Variants in SAMD11 observed in about 807,000 individuals in gnomAD.
SAMD11 encodes the protein sterile alpha motif domain containing 11, also known as sterile alpha motif domain-containing protein 11.
SAMD11 carries 77 observed loss-of-function variants against 64.4 expected under a neutral mutation model. The ratio of observed to expected loss-of-function variants is 1.20; its 90% CI spans 0.99 to 1.44. SAMD11 has a LOEUF of 1.44. Ranked by LOEUF, SAMD11 falls within the 40% of genes most tolerant of loss-of-function variation. The probability of loss-of-function intolerance (pLI) is 0.00; values close to 1 mark genes in which losing one functional copy is unlikely to be tolerated. For synonymous variants in SAMD11, 658 were observed against 421.9 expected (o/e 1.56, Z -6.86); for missense variants, 1,402 against 943.3 (o/e 1.49, Z -6.37).
In SAMD11 at chr1:942,870, A is replaced by C. The variant is rs552457744; in HGVS notation, c.1865A>C (p.Asp622Ala). 6.4e-7 allele frequency: 1 copy of C among 1,553,922 alleles called. No individual in the cohort carries two copies. The highest frequency in any genetic ancestry group is 8.7e-7 in the Non-Finnish European group (1 of 1,148,830). Reference protein sequence around the residue: ...EMTGARLWAQDGSEDEPPKDS... With the variant: ...EMTGARLWAQAGSEDEPPKDS... ...ACGGGGGCTAGGCTCTGGGCACAAG[A>C]TGGCTCGGAAGACGAGCCCCCCAAA... The change falls in exon 11 of 14, where the codon GAT becomes GCT. Residue 622 changes from aspartate (D) to alanine (A), a missense_variant. Asp to Ala is a moderately radical substitution (Grantham distance 126). Transcript: ENST00000616016.
chr1:927,590 C>T (rs1251908446), intron 2 of SAMD11, among the ~76,000 whole-genome samples: 2 of 152,228 alleles, frequency 1.3e-5, no homozygotes, highest in Non-Finnish European at 2.9e-5. Context: ...CCCCATGTTT[C>T]TTACTCAGAG....
intron 5 of SAMD11, 118 bp from the exon 6 acceptor site, chr1:938,922 C>CA (rs995709152): frequency 2.2e-6 from 2 of 891,424 alleles, no homozygotes; most frequent in African/African-American, 3.3e-5. Context: ...GGCCTGTACT[C>CA]ACCAGGACCA....
chr1:935,463 G>A (rs1198044060), intron 4 of SAMD11, among the ~76,000 whole-genome samples: 1 of 152,168 alleles, frequency 6.6e-6, no homozygotes, highest in Non-Finnish European at 1.5e-5. Context: ...GAGGCAGGGA[G>A]TGAGATAACT....
intron 4 of SAMD11, among the ~76,000 whole-genome samples, chr1:933,190 C>T (rs138750609): frequency 2.0e-4 from 30 of 152,334 alleles, no homozygotes; most frequent in Middle Eastern, 3.4e-3. Flanking sequence ...CTGATGTGCC[C>T]GGGCCGGGTT....
Position 930,309 on chromosome 1 carries a change from G to GCACACA in SAMD11, c.764_765insCACACA (p.Gly255_Pro256insThrHis), listed in dbSNP as rs768139263. On this transcript the variant is annotated inframe_insertion, in exon 3 of 14. Coordinates refer to ENST00000616016, the MANE Select transcript of SAMD11 (RefSeq NM_001385641.1). Reference sequence around the variant, plus strand: ...CGGCCAGGCTTGAAGCAGGAGGATGGTCCGCACATCCGTATCATGAAGAGA... The same window carrying GCACACA: ...CGGCCAGGCTTGAAGCAGGAGGATGGCACACATCCGCACATCCGTATCATGAAGAGA... 2.5e-6 allele frequency: 4 copies of GCACACA among 1,607,642 alleles called. No individual in the cohort carries two copies. The highest frequency in any genetic ancestry group is 3.4e-6 in the Non-Finnish European group (4 of 1,177,550).
rs777519595 is a variant in SAMD11 at position 942,404 on chromosome 1, C to T, written c.1475-6C>T. On this transcript the variant is annotated splice_region_variant and splice_polypyrimidine_tract_variant and intron_variant, in intron 9 of 13. Coordinates refer to ENST00000616016, the MANE Select transcript of SAMD11 (RefSeq NM_001385641.1). ...CCCGACCCCGCGTTGTCCCCCTCCCCACCAGGCTACGGCTTCCTGCCCCCC... is the reference window on the plus strand; with the variant it reads ...CCCGACCCCGCGTTGTCCCCCTCCCTACCAGGCTACGGCTTCCTGCCCCCC... 6 of 1,467,618 alleles carry T rather than the reference C, an allele frequency of 4.1e-6. No homozygotes were observed. Among genetic ancestry groups the T allele is most frequent in the South Asian group, 3.9e-5 (3 of 76,314 alleles). The allele number at this position is 1,467,618 out of a possible 1,614,324, so 90.9% of individuals were successfully genotyped here. A position where few individuals can be genotyped will look rare whatever the true frequency, so the allele number is the denominator to read the frequency against.
At chr1:940,652 C>T (rs1356335156) in intron 7 of SAMD11, among the ~76,000 whole-genome samples, 1 of 152,088 alleles carries the variant, frequency 6.6e-6, no homozygotes, top group Non-Finnish European at 1.5e-5. Context: ...GCAGCCGGGA[C>T]TGGGCGACCC....
intron 3 of SAMD11, 37 bp from the exon 4 acceptor site, chr1:931,002 C>G (rs1323814790): frequency 6.2e-7 from 1 of 1,606,934 alleles, no homozygotes; most frequent in Admixed American, 1.7e-5. Context: ...TCAGGGGCCT[C>G]CAGAGCAACA....
At chr1:926,134 A>G in intron 2 of SAMD11, 121 bp downstream of exon 2, 4 of 933,086 alleles carry the variant, frequency 4.3e-6, no homozygotes, top group African/African-American at 1.6e-5. Flanking sequence ...TGCTGGAGGG[A>G]GCCTCCGAAG....
intron 2 of SAMD11, among the ~76,000 whole-genome samples, chr1:926,725 A>G (rs1640907971): frequency 6.6e-6 from 1 of 152,162 alleles, no homozygotes; most frequent in African/African-American, 2.4e-5. Context: ...CCCAGTCTCC[A>G]GCCCCCTAGT....
At chr1:931,422 G>C (rs1019667819) in intron 4 of SAMD11, among the ~76,000 whole-genome samples, 3 of 152,160 alleles carry the variant, frequency 2.0e-5, no homozygotes, top group African/African-American at 7.2e-5. Context: ...CAAAAATGAG[G>C]CTGTCACCTC....
chr1:942,388 G>A, intron 9 of SAMD11, 22 bp from the exon 10 acceptor site: 1 of 935,462 alleles, frequency 1.1e-6, no homozygotes, highest in Non-Finnish European at 1.5e-6. Context: ...CCCCGACCCC[G>A]CGTTGTCCCC....
chr1:925,882 T>C (rs768174605), intron 1 of SAMD11, 40 bp from the exon 2 acceptor site: 3 of 1,470,294 alleles, frequency 2.0e-6, no homozygotes, highest in South Asian at 2.3e-5. Context: ...CGCAGAAGCG[T>C]GCCGCTCCCT....
At chr1:930,903 G>C (rs1286196218) in intron 3 of SAMD11, 136 bp from the exon 4 acceptor site, 3 of 819,700 alleles carry the variant, frequency 3.7e-6, no homozygotes, top group Non-Finnish European at 6.1e-6. Flanking sequence ...GGGCATGGCA[G>C]CCGCCCTCGT....
rs918998831 is a variant in SAMD11 at position 944,564 on chromosome 1, A to G, written c.*411A>G. The stretch of plus-strand genomic sequence containing the variant: ...TGGTCTTTCATGCTGAAAAATAAAT[A>G]ATAAAGCCTGTCCCGTGTCTACTGC... On this transcript the variant is annotated 3_prime_UTR_variant, in exon 14 of 14. Transcript: ENST00000616016. 9.4e-6 allele frequency: 6 copies of G among 638,518 alleles called. No homozygotes were observed. In the Admixed American group the frequency reaches 1.9e-4, roughly 20 times the overall value. The allele number at this position is 638,518 out of a possible 1,614,324, so 39.6% of individuals were successfully genotyped here. A position where few individuals can be genotyped will look rare whatever the true frequency, so the allele number is the denominator to read the frequency against.
chr1:925,956 C>T lies in SAMD11; in HGVS notation c.552C>T (p.Ile184=), dbSNP rs1342334044. 9 of 1,612,080 alleles carry T rather than the reference C, an allele frequency of 5.6e-6. No individual in the cohort carries two copies. The highest frequency in any genetic ancestry group is 3.3e-5 in the Admixed American group (2 of 60,026). ...KSLKTLMSKG[I]LQVHPPICDC... ...TGAAGACGCTTATGTCCAAGGGGAT[C>T]CTGCAGGTGCATCCTCCGATCTGCG... is the stretch of plus-strand genomic sequence containing the variant. The change falls in exon 2 of 14, where the codon ATC becomes ATT. Residue 184 remains isoleucine (I), a synonymous_variant. Coordinates refer to ENST00000616016, the MANE Select transcript of SAMD11 (RefSeq NM_001385641.1).
In SAMD11 at chr1:935,998, G is replaced by A. The variant is rs112134533; in HGVS notation, c.967+102G>A. On this transcript the variant is annotated intron_variant, in intron 5 of 13. Coordinates refer to ENST00000616016, the MANE Select transcript of SAMD11 (RefSeq NM_001385641.1). ...GCAGCCTTGGCAGGCAGCCAGAGAG[G>A]CAGGAGGAGCGGCCTGTCCCCCAGG... The A allele has an allele frequency of 2.2e-4, 282 of 1,270,078 alleles. No homozygotes were observed. In the African/African-American group the frequency reaches 3.7e-3, roughly 17 times the overall value. 78.7% of individuals were successfully genotyped at this position (1,270,078 alleles called of 1,614,324 possible).
At chr1:941,998 C>T in intron 8 of SAMD11, 138 bp from the exon 9 acceptor site, 1 of 384,180 alleles carries the variant, frequency 2.6e-6, no homozygotes, top group Non-Finnish European at 4.6e-6. Flanking sequence ...GGGGATGGCG[C>T]GCGACCTGGG....
chr1:943,114 T>A, intron 11 of SAMD11, 56 bp downstream of exon 11: 1 of 1,554,216 alleles, frequency 6.4e-7, no homozygotes. Flanking sequence ...GCAGGCCGCC[T>A]GTGGAAGGGT....
Sources: allele counts gnomAD v4.1 joint callset (sites outside exome capture counted in the v4.1 genomes callset), GRCh38; gene constraint gnomAD v4.1.1; transcripts MANE v1.5; gene names NCBI Gene and HGNC (gene_info 2026-07-23, HGNC 2026-07-21).